PSD3: variants seen among roughly 807,000 people sequenced by gnomAD.
PSD3 encodes PH and SEC7 domain-containing protein 3.
A neutral mutation model predicts 105.5 loss-of-function variants in PSD3; 49 were observed. The ratio of observed to expected loss-of-function variants is 0.46; its 90% CI spans 0.37 to 0.59. The LOEUF (loss-of-function observed/expected upper bound fraction) is 0.59. PSD3 is among the 20% of genes least tolerant of loss of function. The probability of loss-of-function intolerance (pLI) is 0.00; values close to 1 mark genes in which losing one functional copy is unlikely to be tolerated. For synonymous variants in PSD3, 557 were observed against 457.8 expected (o/e 1.22, Z -2.77); for missense variants, 1,561 against 1,263.8 (o/e 1.24, Z -3.57).
Position 18,785,703 on chromosome 8 carries a change from A to AGGC in PSD3, c.2082+13591_2082+13592insGCC, listed in dbSNP as rs1430987745. Among the ~76,000 whole-genome samples the AGGC allele has an allele frequency of 3.1e-3, 469 of 152,252 alleles. 4 individuals carry two copies. Among genetic ancestry groups the AGGC allele is most frequent in the African/African-American group, 0.01 (421 of 41,542 alleles). On this transcript the variant is annotated intron_variant, in intron 8 of 15. Coordinates refer to ENST00000327040, the MANE Select transcript of PSD3 (RefSeq NM_015310.4). ...GCCTATCTCAGCCTCACTAAACTTA[A>AGGC]TCATTTCTAGGTTTTGATTCAAAGC...
At chr8:18,989,241 G>A (rs13271856) in intron 1 of PSD3, 46,695 of 151,900 alleles carry the variant, frequency 0.31, 7,373 homozygotes, top group Non-Finnish European at 0.35. Context: ...TTTGTTCTAG[G>A]ACAATTTTTG....
intron 15 of PSD3, among the ~76,000 whole-genome samples, chr8:18,539,773 C>T (rs899195983): frequency 1.3e-5 from 2 of 151,990 alleles, no homozygotes; most frequent in East Asian, 3.9e-4. Context: ...GTCTTGATCT[C>T]CTGACCTCAT....
At chr8:18,861,938 C>A (rs995417176) in intron 4 of PSD3, among the ~76,000 whole-genome samples, 1 of 152,050 alleles carries the variant, frequency 6.6e-6, no homozygotes, top group Non-Finnish European at 1.5e-5. Flanking sequence ...TCAGTCTCAA[C>A]CCTCCAGGTT....
intron 15 of PSD3, among the ~76,000 whole-genome samples, chr8:18,547,641 T>G (rs1430833099): frequency 6.6e-6 from 1 of 152,224 alleles, no homozygotes; most frequent in Admixed American, 6.5e-5. Context: ...AGTTGTTTTT[T>G]GTGAGGGGCA....
At chr8:18,959,254 G>A (rs998439677) in intron 1 of PSD3, among the ~76,000 whole-genome samples, 5 of 151,946 alleles carry the variant, frequency 3.3e-5, no homozygotes, top group African/African-American at 7.3e-5. Flanking sequence ...TCTGAAAGAC[G>A]ATCCCTTTAA....
intron 7 of PSD3, among the ~76,000 whole-genome samples, chr8:18,799,568 C>T (rs760443885): frequency 1.3e-5 from 2 of 152,154 alleles, no homozygotes; most frequent in Non-Finnish European, 2.9e-5. Context: ...GTTGTTCTTA[C>T]CTCTCTGGAG....
chr8:18,636,587 G>T (rs1807271278), intron 10 of PSD3, among the ~76,000 whole-genome samples: 1 of 152,144 alleles, frequency 6.6e-6, no homozygotes, highest in African/African-American at 2.4e-5. Flanking sequence ...CTCAGTCACT[G>T]ACCCACCCAG....
intron 15 of PSD3, among the ~76,000 whole-genome samples, chr8:18,543,864 T>G (rs544583350): frequency 1.3e-5 from 2 of 152,266 alleles, no homozygotes; most frequent in Non-Finnish European, 2.9e-5. Context: ...ACAGTTTCTC[T>G]CTAGAGCCCT....
rs75965233 is a variant in PSD3, at chr8:18,768,753, C to T, written c.2083-3215G>A. On this transcript the variant is annotated intron_variant, in intron 8 of 15. Coordinates refer to ENST00000327040, the MANE Select transcript of PSD3 (RefSeq NM_015310.4). ...TCCTGTTTCACAAAATAAAACAATT[C>T]GTCCCATTCAAGCTGTCTAAATAGT... is the stretch of plus-strand genomic sequence containing the variant. Among the ~76,000 whole-genome samples, 107 of 152,236 alleles carry T rather than the reference C, an allele frequency of 7.0e-4. 3 individuals carry two copies. The East Asian group carries it at 0.017, about 24-fold the overall frequency.
intron 1 of PSD3, among the ~76,000 whole-genome samples, chr8:18,990,828 G>C (rs1211097644): frequency 2.6e-5 from 4 of 152,082 alleles, no homozygotes; most frequent in Non-Finnish European, 5.9e-5. Flanking sequence ...TTCACGAACA[G>C]ATCAACCAAG....
intron 2 of PSD3, among the ~76,000 whole-genome samples, chr8:18,934,278 A>G (rs954794874): frequency 4.6e-5 from 7 of 152,230 alleles, no homozygotes; most frequent in South Asian, 2.1e-4. Context: ...ATAATAATAA[A>G]GCTGAAAAAT....
At position 18,856,418 on chromosome 8, in the gene PSD3, A is replaced by G. The variant is rs193206450; in HGVS notation, c.1634+11256T>C. ...TGCCAGGGGTTCTCTGAGTCCCAAA[A>G]CGTAGAACTTGAGAAGACCACGGCC... On this transcript the variant is annotated intron_variant, in intron 4 of 15. Transcript: ENST00000327040. 1.9e-3 allele frequency among the ~76,000 whole-genome samples: 287 copies of G among 152,242 alleles called. 1 individual carries two copies. Among genetic ancestry groups the G allele is most frequent in the African/African-American group, 6.5e-3 (272 of 41,542 alleles).
rs5889835 is a variant in PSD3, at chr8:18,929,252, T to TA, written c.130+6781dup. 3.2e-3 allele frequency among the ~76,000 whole-genome samples: 476 copies of TA among 147,496 alleles called. 3 individuals carry two copies. Among genetic ancestry groups the TA allele is most frequent in the African/African-American group, 9.4e-3 (380 of 40,238 alleles). The stretch of plus-strand genomic sequence containing the variant: ...AAAGAAAATAAATTCACAACAGTGC[T>TA]AAAAAAAAAAAGAGTATAACCATAG... On this transcript the variant is annotated intron_variant, in intron 2 of 15. Transcript: ENST00000327040.
chr8:19,017,050 CTTTTTTTT>C (rs60211350), upstream of PSD3, among the ~76,000 whole-genome samples: 34 of 115,554 alleles, frequency 2.9e-4, no homozygotes, highest in Non-Finnish European at 4.3e-4. Context: ...TGGCTACATA[CTTTTTTTT>C]TTTTTTTTTT....
At chr8:18,788,390 C>A (rs1016597816) in intron 8 of PSD3, among the ~76,000 whole-genome samples, 2 of 152,108 alleles carry the variant, frequency 1.3e-5, no homozygotes, top group African/African-American at 2.4e-5. Flanking sequence ...ACTCAGCAAG[C>A]GGGTGACCAA....
At chr8:18,544,171 C>CAAAAAAAAAAAAAAAAAAAAAAAAAACAA (rs1800310925) in intron 15 of PSD3, among the ~76,000 whole-genome samples, 2 of 106,692 alleles carry the variant, frequency 1.9e-5, no homozygotes, top group African/African-American at 4.9e-5. Flanking sequence ...AGAAACAAAC[C>CAAAAAAAAAAAAAAAAAAAAAAAAAACAA]AAAAAAAAAA....
chr8:18,554,879 A>G (rs1006476652), intron 15 of PSD3, among the ~76,000 whole-genome samples: 4 of 152,184 alleles, frequency 2.6e-5, no homozygotes, highest in African/African-American at 4.8e-5. Context: ...AGAAATGAAG[A>G]TGATGGGAAG....
intron 1 of PSD3, among the ~76,000 whole-genome samples, chr8:18,963,192 G>T (rs566120943): frequency 5.9e-5 from 9 of 152,062 alleles, no homozygotes; most frequent in African/African-American, 1.9e-4. Flanking sequence ...TGGGGGAACC[G>T]CCCCCATGAT....
At chr8:18,633,302 C>A (rs529768852) in intron 10 of PSD3, among the ~76,000 whole-genome samples, 1 of 151,926 alleles carries the variant, frequency 6.6e-6, no homozygotes, top group Non-Finnish European at 1.5e-5. Flanking sequence ...AAACAATATC[C>A]CCCAAATAAC....
Sources: gnomAD v4.1 joint callset for allele counts (sites outside exome capture counted in the v4.1 genomes callset) on GRCh38, gnomAD v4.1.1 for gene constraint, MANE v1.5 for transcripts, NCBI Gene and HGNC (gene_info 2026-07-23, HGNC 2026-07-21) for gene names.